Variants in MAPKAP1 observed in about 807,000 individuals in gnomAD.
The protein encoded by MAPKAP1 is MAPK associated protein 1.
Under a neutral mutation model 65.7 loss-of-function variants are expected in MAPKAP1, and 20 were observed. That is an observed-to-expected ratio of 0.30 (90% CI 0.21 to 0.44). MAPKAP1 has a LOEUF of 0.44. Among genes scored for constraint, MAPKAP1 ranks in the 20% least tolerant of loss-of-function variants. The pLI, the probability that MAPKAP1 is intolerant of heterozygous loss-of-function variation, is 1.00. For synonymous variants in MAPKAP1, 222 were observed against 244.3 expected (o/e 0.91, Z 0.85); for missense variants, 423 against 648.0 (o/e 0.65, Z 3.77).
intron 11 of MAPKAP1, among the ~76,000 whole-genome samples, chr9:125,440,140 G>C (rs1216208520): frequency 6.6e-6 from 1 of 152,224 alleles, no homozygotes; most frequent in Non-Finnish European, 1.5e-5. Flanking sequence ...GCTGAGGACA[G>C]CCTGTGCCTG....
chr9:125,606,996 C>A (rs1322310418), intron 4 of MAPKAP1, among the ~76,000 whole-genome samples: 2 of 152,148 alleles, frequency 1.3e-5, no homozygotes, highest in Admixed American at 6.5e-5. Flanking sequence ...TGTGTAACCT[C>A]AGGCAAGTCT....
intron 6 of MAPKAP1, among the ~76,000 whole-genome samples, chr9:125,547,087 G>A (rs779596252): frequency 2.0e-5 from 3 of 152,120 alleles, no homozygotes; most frequent in Non-Finnish European, 2.9e-5. Context: ...ACCACTGAAC[G>A]ATGTATGGGC....
intron 8 of MAPKAP1, among the ~76,000 whole-genome samples, chr9:125,500,066 A>G (rs960155969): frequency 4.6e-5 from 7 of 152,244 alleles, no homozygotes; most frequent in African/African-American, 1.7e-4. Context: ...TGGTGAATTT[A>G]TATGTGGAAC....
intron 6 of MAPKAP1, among the ~76,000 whole-genome samples, chr9:125,547,872 T>C (rs567556): frequency 1 from 152,316 of 152,328 alleles, 76,152 homozygotes; most frequent in Middle Eastern, 1. Context: ...AGGTATGTTC[T>C]GCCTCAACTT....
Position 125,438,638 on chromosome 9 carries a change from G to A in MAPKAP1, c.*249C>T, listed in dbSNP as rs1852372484. On this transcript the variant is annotated 3_prime_UTR_variant, in exon 12 of 12. Coordinates refer to ENST00000265960, the MANE Select transcript of MAPKAP1 (RefSeq NM_001006617.3). Reference sequence around the variant, plus strand: ...GCTGGGCGGCACGTGGCTCCTCTAGGGGGTGGTCTGACCCCCAAGCATCGC... The same window carrying A: ...GCTGGGCGGCACGTGGCTCCTCTAGAGGGTGGTCTGACCCCCAAGCATCGC... The A allele has an allele frequency of 8.0e-6, 4 of 501,272 alleles. No individual in the cohort carries two copies. Among genetic ancestry groups the A allele is most frequent in the African/African-American group, 7.8e-5 (4 of 51,388 alleles). The allele number at this position is 501,272 out of a possible 1,614,324, so 31.1% of individuals were successfully genotyped here.
chr9:125,438,869 T>G lies in MAPKAP1; in HGVS notation c.*18A>C, dbSNP rs762631181. Reference sequence around the variant, plus strand: ...GCAGGCTCTGAGCTACGGAACAGATTGAGGCTGGAGGCCAGTGTCACTGCT... The same window carrying G: ...GCAGGCTCTGAGCTACGGAACAGATGGAGGCTGGAGGCCAGTGTCACTGCT... On this transcript the variant is annotated 3_prime_UTR_variant, in exon 12 of 12. Coordinates refer to ENST00000265960, the MANE Select transcript of MAPKAP1 (RefSeq NM_001006617.3). The G allele has an allele frequency of 3.0e-5, 48 of 1,613,966 alleles. No homozygotes were observed. The highest frequency in any genetic ancestry group is 4.0e-5 in the Non-Finnish European group (47 of 1,179,982).
chr9:125,512,059 A>T (rs556093003), intron 7 of MAPKAP1, among the ~76,000 whole-genome samples: 1 of 152,380 alleles, frequency 6.6e-6, no homozygotes, highest in South Asian at 2.1e-4. Context: ...TCAGCACATA[A>T]GTTTCAAAGA....
At chr9:125,613,301 C>G (rs1173020480) in intron 4 of MAPKAP1, among the ~76,000 whole-genome samples, 1 of 152,170 alleles carries the variant, frequency 6.6e-6, no homozygotes, top group Non-Finnish European at 1.5e-5. Context: ...AGGAATAAAG[C>G]GCATATTTCC....
chr9:125,522,191 G>A (rs1347236001), intron 7 of MAPKAP1, among the ~76,000 whole-genome samples: 1 of 152,228 alleles, frequency 6.6e-6, no homozygotes, highest in Admixed American at 6.5e-5. Flanking sequence ...AAGCACCACT[G>A]CCAGTGAATG....
intron 7 of MAPKAP1, among the ~76,000 whole-genome samples, chr9:125,540,974 C>T (rs549032311): frequency 2.0e-5 from 3 of 152,342 alleles, no homozygotes; most frequent in East Asian, 3.9e-4. Context: ...GGAGATCCTT[C>T]TGTTTTATGA....
At chr9:125,548,928 T>C (rs929506962) in intron 6 of MAPKAP1, among the ~76,000 whole-genome samples, 31 of 152,170 alleles carry the variant, frequency 2.0e-4, no homozygotes, top group African/African-American at 7.0e-4. Context: ...TAATACATCA[T>C]ATAACTAATA....
chr9:125,599,311 TC>T (rs1832234766), intron 4 of MAPKAP1, among the ~76,000 whole-genome samples: 1 of 152,176 alleles, frequency 6.6e-6, no homozygotes, highest in Admixed American at 6.5e-5. Flanking sequence ...TAGCCCCTTT[TC>T]TTCAGTCTTT....
At chr9:125,659,980 G>A (rs563419389) in intron 3 of MAPKAP1, among the ~76,000 whole-genome samples, 5 of 152,216 alleles carry the variant, frequency 3.3e-5, no homozygotes, top group South Asian at 2.1e-4. Context: ...GGCAGCATTT[G>A]ACACGGTTCC....
intron 9 of MAPKAP1, among the ~76,000 whole-genome samples, chr9:125,478,957 C>A (rs1449797437): frequency 1.3e-5 from 2 of 152,164 alleles, no homozygotes; most frequent in African/African-American, 4.8e-5. Context: ...AGAGATTTAG[C>A]ACAATGATTC....
At chr9:125,533,456 C>A (rs368781354) in intron 7 of MAPKAP1, among the ~76,000 whole-genome samples, 2 of 145,696 alleles carry the variant, frequency 1.4e-5, no homozygotes, top group South Asian at 4.4e-4. Flanking sequence ...TAAACTTTTT[C>A]TTTTTTTTTT....
At chr9:125,539,717 C>T (rs1402235621) in intron 7 of MAPKAP1, among the ~76,000 whole-genome samples, 1 of 152,226 alleles carries the variant, frequency 6.6e-6, no homozygotes, top group African/African-American at 2.4e-5. Context: ...ATGTCAAAAA[C>T]ACACCCACCT....
In MAPKAP1 at chr9:125,511,519, T is replaced by C. The variant is rs531991065; in HGVS notation, c.959-5102A>G. Among the ~76,000 whole-genome samples the C allele has an allele frequency of 5.3e-5, 8 of 152,292 alleles. No individual in the cohort carries two copies. In the East Asian group the frequency reaches 5.8e-4, roughly 11 times the overall value. ...CAGCATCTCACTCACACAAAGTTCT[T>C]AATAAATGCCTGTTGACAGTGAAGA... On this transcript the variant is annotated intron_variant, in intron 7 of 11. Coordinates refer to ENST00000265960, the MANE Select transcript of MAPKAP1 (RefSeq NM_001006617.3).
intron 10 of MAPKAP1, among the ~76,000 whole-genome samples, chr9:125,464,209 A>T (rs1853600112): frequency 6.9e-6 from 1 of 144,412 alleles, no homozygotes; most frequent in African/African-American, 2.7e-5. Flanking sequence ...TATATTAAAA[A>T]AAAAAAAAAA....
chr9:125,617,522 A>C (rs1832781175), intron 4 of MAPKAP1, among the ~76,000 whole-genome samples: 1 of 152,228 alleles, frequency 6.6e-6, no homozygotes, highest in Non-Finnish European at 1.5e-5. Flanking sequence ...ACACATTTAA[A>C]ATACTTATAA....
Sources: allele counts gnomAD v4.1 joint callset (sites outside exome capture counted in the v4.1 genomes callset), GRCh38; gene constraint gnomAD v4.1.1; transcripts MANE v1.5; gene names NCBI Gene and HGNC (gene_info 2026-07-23, HGNC 2026-07-21).